SLC25A31: variants seen among roughly 807,000 people sequenced by gnomAD.
SLC25A31 encodes the protein ADP/ATP translocase 4.
A neutral mutation model predicts 36.2 loss-of-function variants in SLC25A31; 40 were observed. That is an observed-to-expected ratio of 1.10 (90% confidence interval 0.86 to 1.44). SLC25A31 has a LOEUF of 1.44. Ranked by LOEUF, SLC25A31 falls within the 40% of genes most tolerant of loss-of-function variation. SLC25A31 has a pLI of 0.00. For synonymous variants in SLC25A31, 143 were observed against 149.7 expected, an observed-to-expected ratio of 0.96 and a Z score of 0.32; for missense variants, 350 against 397.1, an observed-to-expected ratio of 0.88 and a Z score of 1.01.
chr4:127,745,771 G>T (rs1410090665), intron 2 of SLC25A31, among the ~76,000 whole-genome samples: 1 of 152,122 alleles, frequency 6.6e-6, no homozygotes, highest in Non-Finnish European at 1.5e-5. Context: ...GAATTGGAAG[G>T]TTTAGATTTG....
intron 4 of SLC25A31, among the ~76,000 whole-genome samples, chr4:127,767,547 T>C (rs1156237438): frequency 6.6e-6 from 1 of 152,200 alleles, no homozygotes. Flanking sequence ...CTAACAGTTT[T>C]TCTGATTTTA....
At chr4:127,753,305 C>A (rs7668221) in intron 2 of SLC25A31, among the ~76,000 whole-genome samples, 2 of 151,030 alleles carry the variant, frequency 1.3e-5, no homozygotes, top group Admixed American at 6.6e-5. Context: ...TAAGCCCAAA[C>A]TCAGTTGAAG....
At chr4:127,736,928 G>A (rs544041393) in intron 1 of SLC25A31, among the ~76,000 whole-genome samples, 1 of 152,272 alleles carries the variant, frequency 6.6e-6, no homozygotes, top group Admixed American at 6.5e-5. Context: ...CAAGGGAACT[G>A]GAACCTATGT....
At position 127,734,955 on chromosome 4, in the gene SLC25A31, C is replaced by T. The variant is rs190186395; in HGVS notation, c.232+4178C>T. Among the ~76,000 whole-genome samples the T allele has an allele frequency of 3.1e-3, 466 of 152,178 alleles. 3 individuals carry two copies. Among genetic ancestry groups the T allele is most frequent in the African/African-American group, 0.011 (439 of 41,528 alleles). On this transcript the variant is annotated intron_variant, in intron 1 of 5. Coordinates refer to ENST00000281154, the MANE Select transcript of SLC25A31 (RefSeq NM_031291.4). ...GGTAGAGGGAATGACAAGCACCCTT[C>T]CTCAATAATATATTATTGTTTATGT...
intron 4 of SLC25A31, among the ~76,000 whole-genome samples, chr4:127,768,550 A>G (rs1732288913): frequency 6.6e-6 from 1 of 152,126 alleles, no homozygotes; most frequent in Non-Finnish European, 1.5e-5. Context: ...TATGCTTTAT[A>G]TTTTTGAAAT....
intron 2 of SLC25A31, among the ~76,000 whole-genome samples, chr4:127,761,369 T>C (rs1021667498): frequency 2.0e-5 from 3 of 152,178 alleles, no homozygotes; most frequent in Non-Finnish European, 4.4e-5. Context: ...ATGCCACATA[T>C]TTTGTTTGGT....
At chr4:127,737,107 TAAG>T (rs1444452949) in intron 1 of SLC25A31, among the ~76,000 whole-genome samples, 4 of 152,112 alleles carry the variant, frequency 2.6e-5, no homozygotes, top group Admixed American at 2.0e-4. Flanking sequence ...AAGAAGGAAA[TAAG>T]AATAAGATGT....
intron 2 of SLC25A31, 103 bp from the exon 3 acceptor site, chr4:127,764,140 A>G (rs1732193669): frequency 1.1e-6 from 1 of 937,250 alleles, no homozygotes; most frequent in Non-Finnish European, 1.6e-6. Flanking sequence ...AAAGTGGCTT[A>G]TAAATCTGGT....
chr4:127,748,010 C>T (rs866884129), intron 2 of SLC25A31, among the ~76,000 whole-genome samples: 2 of 152,190 alleles, frequency 1.3e-5, no homozygotes, highest in Non-Finnish European at 2.9e-5. Flanking sequence ...TACGACAACA[C>T]GTGATGTGTT....
intron 1 of SLC25A31, among the ~76,000 whole-genome samples, chr4:127,732,236 A>G (rs537307438): frequency 6.6e-6 from 1 of 152,336 alleles, no homozygotes; most frequent in East Asian, 1.9e-4. Context: ...TTCTAGGGCC[A>G]GATACTGTCC....
At chr4:127,762,989 A>G (rs1732171818) in intron 2 of SLC25A31, among the ~76,000 whole-genome samples, 1 of 151,978 alleles carries the variant, frequency 6.6e-6, no homozygotes, top group Admixed American at 6.5e-5. Context: ...TATAAATTGA[A>G]AGTAGAAAAT....
intron 1 of SLC25A31, among the ~76,000 whole-genome samples, chr4:127,738,830 G>A: frequency 6.6e-6 from 1 of 152,100 alleles, no homozygotes; most frequent in Non-Finnish European, 1.5e-5. Flanking sequence ...AAATCTTCTT[G>A]TTGAATTGAA....
chr4:127,759,137 A>G (rs556696658), intron 2 of SLC25A31, among the ~76,000 whole-genome samples: 6 of 151,642 alleles, frequency 4.0e-5, no homozygotes, highest in African/African-American at 1.5e-4. Flanking sequence ...TGTGTCATGT[A>G]TGATTTCTTC....
At chr4:127,734,704 C>T (rs1731591737) in intron 1 of SLC25A31, among the ~76,000 whole-genome samples, 1 of 151,620 alleles carries the variant, frequency 6.6e-6, no homozygotes, top group African/African-American at 2.4e-5. Flanking sequence ...AGACTTAGAA[C>T]AGTGAGGTTT....
At chr4:127,741,024 C>G (rs533152554) in intron 1 of SLC25A31, among the ~76,000 whole-genome samples, 6 of 152,196 alleles carry the variant, frequency 3.9e-5, no homozygotes, top group African/African-American at 1.4e-4. Context: ...GTGAATGATA[C>G]TGTTTTATTA....
At position 127,743,648 on chromosome 4, in the gene SLC25A31, A is replaced by G. The variant is rs528281485; in HGVS notation, c.233-1024A>G. Among the ~76,000 whole-genome samples, 12 of 152,334 alleles carry G rather than the reference A, an allele frequency of 7.9e-5. No homozygotes were observed. In the East Asian group the frequency reaches 2.3e-3, roughly 29 times the overall value. ...GGAGTCAGCTATGAGTACTGAGAAG[A>G]TTATTTCTTTGCCATTAAATATGCT... On this transcript the variant is annotated intron_variant, in intron 1 of 5. Coordinates refer to ENST00000281154, the MANE Select transcript of SLC25A31 (RefSeq NM_031291.4).
chr4:127,773,431 G>A lies in SLC25A31; in HGVS notation c.805G>A (p.Val269Met). ...RQYKGTLDCF[V>M]KIYQHEGISS... is the part of the protein sequence containing the mutation. ...ATATAAAGGAACCTTAGACTGCTTT[G>A]TGAAGATATACCAACATGAAGGAAT... The change falls in exon 6 of 6, where the codon GTG (valine) becomes ATG (methionine). Residue 269 changes from valine to methionine, a missense_variant. Physicochemically the swap from Val to Met is conservative, Grantham distance 21. Coordinates refer to ENST00000281154, the MANE Select transcript of SLC25A31 (RefSeq NM_031291.4). The A allele has an allele frequency of 6.2e-7, 1 of 1,614,082 alleles. No individual in the cohort carries two copies. Among genetic ancestry groups the A allele is most frequent in the Non-Finnish European group, 8.5e-7 (1 of 1,179,984 alleles).
At position 127,735,873 on chromosome 4, in the gene SLC25A31, T is replaced by TTATTATTA. The variant is rs1440340479; in HGVS notation, c.232+5097_232+5098insATTATTAT. ...ACATGCCTAACATTCTTTTATTTTATTTATTTATTTATTTATTTATTTATT... is the reference window on the plus strand; with the variant it reads ...ACATGCCTAACATTCTTTTATTTTATTATTATTATTATTTATTTATTTATTTATTTATT... On this transcript the variant is annotated intron_variant, in intron 1 of 5. Transcript: ENST00000281154. Among the ~76,000 whole-genome samples, 59 of 73,762 alleles carry TTATTATTA rather than the reference T, an allele frequency of 8.0e-4. 4 individuals carry two copies. In the East Asian group the frequency reaches 8.9e-3, roughly 11 times the overall value. 48.4% of individuals were successfully genotyped at this position (73,762 alleles called of 152,430 possible). A position where few individuals can be genotyped will look rare whatever the true frequency, so the allele number is the denominator to read the frequency against.
At chr4:127,763,936 C>A (rs1732189734) in intron 2 of SLC25A31, among the ~76,000 whole-genome samples, 1 of 151,942 alleles carries the variant, frequency 6.6e-6, no homozygotes. Context: ...AAGTATACAG[C>A]GTAAAGAGAT....
Sources: gnomAD v4.1 joint callset for allele counts (sites outside exome capture counted in the v4.1 genomes callset) on GRCh38, gnomAD v4.1.1 for gene constraint, MANE v1.5 for transcripts, NCBI Gene and HGNC (gene_info 2026-07-23, HGNC 2026-07-21) for gene names.